MACROD2: variants seen among roughly 807,000 people sequenced by gnomAD.
The protein encoded by MACROD2 is mono-ADP ribosylhydrolase 2.
MACROD2 carries 36 observed loss-of-function variants against 70.4 expected under a neutral mutation model. That is an observed-to-expected ratio of 0.51 (90% CI 0.39 to 0.68). The LOEUF (loss-of-function observed/expected upper bound fraction) is 0.68. Ranked by LOEUF, MACROD2 falls within the 30% of genes least tolerant of loss-of-function variation. The pLI is 0.00. For missense variants in MACROD2, 496 were observed against 538.4 expected, an observed-to-expected ratio of 0.92 and a Z score of 0.78; for synonymous variants, 172 against 178.8, an observed-to-expected ratio of 0.96 and a Z score of 0.30.
At chr20:15,048,993 C>T (rs943392698) in intron 5 of MACROD2, among the ~76,000 whole-genome samples, 11 of 151,638 alleles carry the variant, frequency 7.3e-5, no homozygotes, top group African/African-American at 2.7e-4. Context: ...GCATTATATA[C>T]TTTTTCAATC....
At chr20:15,295,601 A>T (rs1224280511) in intron 6 of MACROD2, among the ~76,000 whole-genome samples, 2 of 124,276 alleles carry the variant, frequency 1.6e-5, no homozygotes, top group African/African-American at 3.0e-5. Context: ...GTCATCACAC[A>T]CACACACACA....
intron 5 of MACROD2, among the ~76,000 whole-genome samples, chr20:14,703,896 T>G (rs2071236903): frequency 6.6e-6 from 1 of 151,860 alleles, no homozygotes; most frequent in Non-Finnish European, 1.5e-5. Context: ...CTGGCTAATT[T>G]TTTGTATTTT....
chr20:15,234,007 ATATTCTTTTTT>A (rs2076986700), intron 6 of MACROD2, among the ~76,000 whole-genome samples: 1 of 49,662 alleles, frequency 2.0e-5, no homozygotes, highest in Non-Finnish European at 4.0e-5. Flanking sequence ...ATATATATAT[ATATTCTTTTTT>A]TTTTTTTTTT....
At chr20:14,308,312 A>G (rs1197697497) in intron 3 of MACROD2, among the ~76,000 whole-genome samples, 2 of 152,150 alleles carry the variant, frequency 1.3e-5, no homozygotes, top group African/African-American at 2.4e-5. Context: ...TCTTTGAAGA[A>G]TATGTCAGCT....
chr20:15,465,209 T>C (rs987690780), intron 7 of MACROD2, among the ~76,000 whole-genome samples: 3 of 152,276 alleles, frequency 2.0e-5, no homozygotes, highest in Admixed American at 1.3e-4. Flanking sequence ...ATAAGAAGAA[T>C]GAGGCCTACT....
At position 14,882,052 on chromosome 20, in the gene MACROD2, T is replaced by C. The variant is rs550661513; in HGVS notation, c.418+197093T>C. On this transcript the variant is annotated intron_variant, in intron 5 of 17. Coordinates refer to ENST00000684519, the MANE Select transcript of MACROD2 (RefSeq NM_001351661.2). ...TGAGGCACAGAAATGTCAAGTCACA[T>C]GAACAAATCCCTACAGGAACCATCT... 8.4e-4 allele frequency among the ~76,000 whole-genome samples: 128 copies of C among 152,292 alleles called. 1 individual carries two copies. The South Asian group carries it at 0.018, about 22-fold the overall frequency.
chr20:15,125,607 A>T (rs1159922266), intron 5 of MACROD2, among the ~76,000 whole-genome samples: 1 of 152,078 alleles, frequency 6.6e-6, no homozygotes, highest in Non-Finnish European at 1.5e-5. Context: ...CCTTGAATGG[A>T]TCATTTTTAC....
intron 6 of MACROD2, among the ~76,000 whole-genome samples, chr20:15,317,556 A>G (rs1257646852): frequency 6.6e-6 from 1 of 151,222 alleles, no homozygotes. Context: ...GATATTTATT[A>G]TAAAGAATTG....
At chr20:15,728,603 A>C (rs549789539) in intron 8 of MACROD2, among the ~76,000 whole-genome samples, 22 of 152,240 alleles carry the variant, frequency 1.4e-4, no homozygotes, top group African/African-American at 5.1e-4. Context: ...TCAGGGATTC[A>C]GTTTCTTCTT....
At chr20:14,325,558 C>T in intron 3 of MACROD2, 1 of 1,606,646 alleles carries the variant, frequency 6.2e-7, no homozygotes, top group Non-Finnish European at 8.5e-7. Context: ...CCTTCAGCAT[C>T]ATGAGTGTGA....
intron 5 of MACROD2, among the ~76,000 whole-genome samples, chr20:15,149,627 A>C (rs191861317): frequency 1.3e-5 from 2 of 152,130 alleles, no homozygotes; most frequent in African/African-American, 4.8e-5. Flanking sequence ...AAGTTATGAG[A>C]GCTGTAGAGA....
chr20:14,634,081 G>A (rs1040673786), intron 4 of MACROD2, among the ~76,000 whole-genome samples: 1 of 152,108 alleles, frequency 6.6e-6, no homozygotes, highest in Admixed American at 6.5e-5. Flanking sequence ...CAGCCCCCTG[G>A]GCGTGCCATT....
intron 12 of MACROD2, among the ~76,000 whole-genome samples, chr20:15,957,725 C>T (rs902797415): frequency 2.0e-5 from 3 of 152,288 alleles, no homozygotes; most frequent in South Asian, 2.1e-4. Flanking sequence ...GGGGTCAGGG[C>T]GGGTACTTAG....
chr20:15,585,576 T>C (rs2048588107), intron 8 of MACROD2, among the ~76,000 whole-genome samples: 2 of 152,106 alleles, frequency 1.3e-5, no homozygotes, highest in African/African-American at 4.8e-5. Flanking sequence ...GCATCACTCA[T>C]CCAGTGACTC....
chr20:15,902,757 C>A (rs561939817), intron 10 of MACROD2, among the ~76,000 whole-genome samples: 12 of 152,212 alleles, frequency 7.9e-5, no homozygotes, highest in African/African-American at 2.9e-4. Flanking sequence ...TGTGAGTGAA[C>A]CGTCTTGGAG....
At chr20:14,300,446 C>A (rs2082464951) in intron 3 of MACROD2, among the ~76,000 whole-genome samples, 1 of 152,156 alleles carries the variant, frequency 6.6e-6, no homozygotes, top group Non-Finnish European at 1.5e-5. Context: ...GCAAAAGAAA[C>A]AAAGCTCTTG....
At chr20:15,706,392 C>T (rs771004486) in intron 8 of MACROD2, among the ~76,000 whole-genome samples, 1 of 152,174 alleles carries the variant, frequency 6.6e-6, no homozygotes, top group South Asian at 2.1e-4. Context: ...TGAGGGACTA[C>T]TAAGGTCCTT....
In MACROD2 at chr20:15,768,890, C is replaced by G. The variant is rs551610575; in HGVS notation, c.646-93855C>G. On this transcript the variant is annotated intron_variant, in intron 8 of 17. Coordinates refer to ENST00000684519, the MANE Select transcript of MACROD2 (RefSeq NM_001351661.2). ...ATACACACGTTACCCTGGGCCTACACAGGGTCAGGATCATCGATGTCACTA... is the reference window on the plus strand; with the variant it reads ...ATACACACGTTACCCTGGGCCTACAGAGGGTCAGGATCATCGATGTCACTA... 1.8e-3 allele frequency among the ~76,000 whole-genome samples: 272 copies of G among 152,070 alleles called. 1 individual carries two copies. Among genetic ancestry groups the G allele is most frequent in the African/African-American group, 6.3e-3 (261 of 41,470 alleles).
chr20:14,221,893 C>G (rs796345730), intron 3 of MACROD2, among the ~76,000 whole-genome samples: 33 of 152,300 alleles, frequency 2.2e-4, no homozygotes, highest in African/African-American at 7.7e-4. Flanking sequence ...ACTCACTAAT[C>G]ATAAGAGAAA....
Sources: gnomAD v4.1 joint callset for allele counts (sites outside exome capture counted in the v4.1 genomes callset) on GRCh38, gnomAD v4.1.1 for gene constraint, MANE v1.5 for transcripts, NCBI Gene and HGNC (gene_info 2026-07-23, HGNC 2026-07-21) for gene names.